NCKAP5: variants seen among roughly 807,000 people sequenced by gnomAD.
NCKAP5 encodes the protein NCK associated protein 5.
A neutral mutation model predicts 167.0 loss-of-function variants in NCKAP5; 92 were observed. That is an observed-to-expected ratio of 0.55 (90% CI 0.47 to 0.66). The LOEUF is 0.66. Among genes scored for constraint, NCKAP5 ranks in the 30% least tolerant of loss-of-function variants. The pLI, the probability that NCKAP5 is intolerant of heterozygous loss-of-function variation, is 0.00. For synonymous variants in NCKAP5, 891 were observed against 877.4 expected (o/e 1.02, Z -0.27); for missense variants, 2,378 against 2,315.0 (o/e 1.03, Z -0.56).
At chr2:133,390,768 A>T (rs1412190527) in intron 3 of NCKAP5, among the ~76,000 whole-genome samples, 1 of 152,158 alleles carries the variant, frequency 6.6e-6, no homozygotes, top group Non-Finnish European at 1.5e-5. Flanking sequence ...TCTAGGCTCC[A>T]TCCCAGAAAA....
chr2:132,834,835 G>A (rs1361245135), intron 11 of NCKAP5, among the ~76,000 whole-genome samples: 1 of 152,138 alleles, frequency 6.6e-6, no homozygotes, highest in African/African-American at 2.4e-5. Flanking sequence ...CTCTGGTTAG[G>A]ACTTCCAGTA....
At chr2:132,797,461 A>G (rs1684697981) in intron 11 of NCKAP5, among the ~76,000 whole-genome samples, 1 of 152,218 alleles carries the variant, frequency 6.6e-6, no homozygotes, top group African/African-American at 2.4e-5. Flanking sequence ...TGCAAATACA[A>G]TAAAAGTCGT....
At chr2:132,977,958 T>G (rs1393305173) in intron 7 of NCKAP5, among the ~76,000 whole-genome samples, 1 of 152,164 alleles carries the variant, frequency 6.6e-6, no homozygotes, top group Non-Finnish European at 1.5e-5. Context: ...CATAGTGGGA[T>G]GTACATTCTG....
At chr2:133,404,303 A>C (rs920337723) in intron 3 of NCKAP5, among the ~76,000 whole-genome samples, 1 of 152,226 alleles carries the variant, frequency 6.6e-6, no homozygotes, top group Non-Finnish European at 1.5e-5. Context: ...TTATGAAATA[A>C]AACTTTGTTA....
intron 19 of NCKAP5, among the ~76,000 whole-genome samples, chr2:132,681,546 A>G (rs1437780380): frequency 1.3e-5 from 2 of 152,082 alleles, no homozygotes; most frequent in Non-Finnish European, 2.9e-5. Flanking sequence ...TTGGAGTGAT[A>G]GATTTTTTAC....
At chr2:133,618,790 C>G in the NCKAP5 span, among the ~76,000 whole-genome samples, 8 of 143,922 alleles carry the variant, frequency 5.6e-5, no homozygotes, top group South Asian at 1.9e-3. Flanking sequence ...TTTGACCCAG[C>G]CATCCCATTA....
chr2:132,712,520 C>T (rs1013289794), intron 19 of NCKAP5, among the ~76,000 whole-genome samples: 4 of 151,988 alleles, frequency 2.6e-5, no homozygotes, highest in Admixed American at 2.6e-4. Flanking sequence ...GGTGTAGAGG[C>T]GGGCACCTGT....
intron 3 of NCKAP5, among the ~76,000 whole-genome samples, chr2:133,508,693 A>ACGAT (rs1367799650): frequency 6.6e-6 from 1 of 152,188 alleles, no homozygotes; most frequent in African/African-American, 2.4e-5. Context: ...TGCCATGGGA[A>ACGAT]CGATCCTAGG....
At position 133,196,150 on chromosome 2, in the gene NCKAP5, C is replaced by T. The variant is rs148304993; in HGVS notation, c.207+17566G>A. Among the ~76,000 whole-genome samples the T allele has an allele frequency of 3.0e-3, 452 of 152,298 alleles. 1 individual carries two copies. Among genetic ancestry groups the T allele is most frequent in the African/African-American group, 0.01 (425 of 41,568 alleles). ...GGTTTAGAATCCCTAGGCAGTTCCT[C>T]TACCCACCTGCCAATGTTTTGCCAT... is the stretch of plus-strand genomic sequence containing the variant. On this transcript the variant is annotated intron_variant, in intron 5 of 19. Transcript: ENST00000409261.
chr2:132,800,994 G>T (rs1033597851), intron 11 of NCKAP5, among the ~76,000 whole-genome samples: 1 of 152,130 alleles, frequency 6.6e-6, no homozygotes, highest in Non-Finnish European at 1.5e-5. Context: ...CTCCTTTACA[G>T]TCAGGTGTGC....
chr2:133,365,538 C>T (rs990439237), intron 3 of NCKAP5, among the ~76,000 whole-genome samples: 1 of 151,956 alleles, frequency 6.6e-6, no homozygotes, highest in South Asian at 2.1e-4. Context: ...CACACACACA[C>T]ACACACGTAT....
chr2:133,465,773 T>C (rs1436371210), intron 3 of NCKAP5, among the ~76,000 whole-genome samples: 1 of 151,950 alleles, frequency 6.6e-6, no homozygotes, highest in Non-Finnish European at 1.5e-5. Context: ...TGATGAGCAT[T>C]TTTTCATGTG....
intron 9 of NCKAP5, among the ~76,000 whole-genome samples, chr2:132,875,922 G>A (rs1574488366): frequency 6.6e-6 from 1 of 152,158 alleles, no homozygotes; most frequent in South Asian, 2.1e-4. Flanking sequence ...TGCCTAGCAA[G>A]CCAGGGTGTA....
intron 11 of NCKAP5, among the ~76,000 whole-genome samples, chr2:132,808,392 C>CAGAA (rs1685599174): frequency 2.0e-5 from 3 of 147,830 alleles, no homozygotes; most frequent in Non-Finnish European, 4.5e-5. Context: ...TGGTCCTGAA[C>CAGAA]TTTTTTTGTT....
intron 8 of NCKAP5, among the ~76,000 whole-genome samples, chr2:132,887,353 A>T (rs200475961): frequency 0.11 from 13,435 of 127,878 alleles, 881 homozygotes; most frequent in East Asian, 0.37. Context: ...CTATCTATCC[A>T]TCCATCCATC....
At chr2:133,310,397 G>A (rs1681150025) in intron 3 of NCKAP5, among the ~76,000 whole-genome samples, 1 of 152,196 alleles carries the variant, frequency 6.6e-6, no homozygotes, top group African/African-American at 2.4e-5. Flanking sequence ...TGGCTTCTAA[G>A]GCAGACTTTC....
intron 16 of NCKAP5, among the ~76,000 whole-genome samples, chr2:132,756,975 G>C (rs1242420177): frequency 6.6e-6 from 1 of 152,154 alleles, no homozygotes. Context: ...AATTCCTCCA[G>C]CTTTTATAAT....
intron 6 of NCKAP5, among the ~76,000 whole-genome samples, chr2:133,078,313 C>T (rs2080681544): frequency 6.6e-6 from 1 of 152,130 alleles, no homozygotes; most frequent in South Asian, 2.1e-4. Flanking sequence ...GTGAATCTAC[C>T]TGGGTGCAAG....
chr2:133,114,624 G>T (rs1210003394), intron 6 of NCKAP5, among the ~76,000 whole-genome samples: 1 of 151,836 alleles, frequency 6.6e-6, no homozygotes, highest in Non-Finnish European at 1.5e-5. Context: ...ATCCAAATAG[G>T]GTTCACCCAA....
Sources: allele counts gnomAD v4.1 joint callset (sites outside exome capture counted in the v4.1 genomes callset), GRCh38; gene constraint gnomAD v4.1.1; transcripts MANE v1.5; gene names NCBI Gene and HGNC (gene_info 2026-07-23, HGNC 2026-07-21).